Variants in EVC2 observed in about 807,000 individuals in gnomAD.
EVC2 encodes EvC ciliary complex subunit 2.
EVC2 carries 148 observed loss-of-function variants against 149.3 expected under a neutral mutation model. The ratio of observed to expected loss-of-function variants is 0.99; its 90% CI spans 0.87 to 1.14. The LOEUF is 1.14. Ranked by LOEUF, EVC2 falls within the 50% of genes most tolerant of loss-of-function variation. EVC2 has a pLI of 0.00. For missense variants in EVC2, 1,854 were observed against 1,627.3 expected, an observed-to-expected ratio of 1.14 and a Z score of -2.40; for synonymous variants, 776 against 649.9, an observed-to-expected ratio of 1.19 and a Z score of -2.95.
At chr4:5,691,841 G>A (rs892258041) in intron 3 of EVC2, among the ~76,000 whole-genome samples, 6 of 152,188 alleles carry the variant, frequency 3.9e-5, no homozygotes, top group South Asian at 2.1e-4. Context: ...TGGCTCCTAC[G>A]AAAAGGTTCC....
At chr4:5,555,158 T>C (rs750200203) in intron 21 of EVC2, among the ~76,000 whole-genome samples, 1 of 151,770 alleles carries the variant, frequency 6.6e-6, no homozygotes, top group Non-Finnish European at 1.5e-5. Flanking sequence ...ATTTTAAGTA[T>C]AATTGATATG....
At chr4:5,650,638 T>TATATATATATATATAGAGAG (rs1162935817) in intron 9 of EVC2, among the ~76,000 whole-genome samples, 1 of 45,088 alleles carries the variant, frequency 2.2e-5, no homozygotes, top group Non-Finnish European at 4.0e-5. Context: ...TATATATATA[T>TATATATATATATATAGAGAG]AGAGAGAGAG....
At chr4:5,556,971 C>A (rs1158823754) in intron 21 of EVC2, among the ~76,000 whole-genome samples, 5 of 152,118 alleles carry the variant, frequency 3.3e-5, no homozygotes. Flanking sequence ...AGACTCAGAT[C>A]ATTTTACTGG....
At chr4:5,539,776 A>AACAC (rs55685347), downstream of EVC2, among the ~76,000 whole-genome samples, 169 of 150,378 alleles carry the variant, frequency 1.1e-3, no homozygotes, top group African/African-American at 3.5e-3. Flanking sequence ...ATACTACAAA[A>AACAC]ACACACACAC....
At chr4:5,554,122 G>A (rs1721789301) in intron 21 of EVC2, among the ~76,000 whole-genome samples, 1 of 152,180 alleles carries the variant, frequency 6.6e-6, no homozygotes, top group Non-Finnish European at 1.5e-5. Flanking sequence ...TAAGAGCTGG[G>A]AAGTTGGTGC....
At chr4:5,697,898 A>T (rs190518332) in intron 1 of EVC2, among the ~76,000 whole-genome samples, 2 of 151,700 alleles carry the variant, frequency 1.3e-5, no homozygotes, top group Non-Finnish European at 2.9e-5. Flanking sequence ...GGCGCCCACC[A>T]CCACGCCCAG....
chr4:5,698,590 T>C (rs1012332316), intron 1 of EVC2, among the ~76,000 whole-genome samples: 4 of 152,302 alleles, frequency 2.6e-5, no homozygotes, highest in Non-Finnish European at 5.9e-5. Flanking sequence ...CTCTACTGAA[T>C]AACAGTAAAA....
At chr4:5,591,165 T>A (rs1290226168) in intron 16 of EVC2, among the ~76,000 whole-genome samples, 2 of 152,314 alleles carry the variant, frequency 1.3e-5, no homozygotes, top group African/African-American at 4.8e-5. Flanking sequence ...TTCATAAATA[T>A]TCATGACTCC....
rs371406695 is a variant in EVC2 at position 5,683,894 on chromosome 4, A to G, written c.816+1476T>C. On this transcript the variant is annotated intron_variant, in intron 6 of 21. Transcript: ENST00000344408. ...CAGCTGCCCGGGAACACACACAGCT[A>G]CACGGGAACACACACAGCTGCCCGG... Among the ~76,000 whole-genome samples the G allele has an allele frequency of 6.0e-5, 9 of 150,616 alleles. No homozygotes were observed. The South Asian group carries it at 6.3e-4, about 11-fold the overall frequency.
intron 21 of EVC2, among the ~76,000 whole-genome samples, chr4:5,546,122 T>C (rs1280717672): frequency 6.6e-6 from 1 of 152,192 alleles, no homozygotes; most frequent in Non-Finnish European, 1.5e-5. Context: ...GGTGGGACTG[T>C]AAACTAGTTC....
chr4:5,688,918 T>C (rs182526956), intron 5 of EVC2, among the ~76,000 whole-genome samples: 59 of 152,342 alleles, frequency 3.9e-4, no homozygotes, highest in African/African-American at 1.3e-3. Context: ...CCCACAACTC[T>C]TTCCCCAAAT....
At position 5,622,736 on chromosome 4, in the gene EVC2, C is replaced by T. The variant is rs1715794986; in HGVS notation, c.2302G>A (p.Val768Met). 12 of 1,613,972 alleles carry T rather than the reference C, an allele frequency of 7.4e-6. No homozygotes were observed. The South Asian group carries it at 1.2e-4, about 16-fold the overall frequency. The change falls in exon 14 of 22, where the codon GTG becomes ATG. Residue 768 changes from valine (V) to methionine (M), a missense_variant. Transcript: ENST00000344408. The surrounding 1 kb of genome is among the most constrained non-coding windows in gnomAD (Gnocchi z 5.8). ...AMTQELLKRGVPWLFLQQILE... is the reference protein window; with the variant it reads ...AMTQELLKRGMPWLFLQQILE... ...ATCTGCTGCAGGAAGAGCCAGGGCA[C>T]CCCACGCTTGAGCAGCTCCTGGGTC...
rs1260184589 is a variant in EVC2, at chr4:5,569,913, T to G, written c.3361-1273A>C. Among the ~76,000 whole-genome samples the G allele has an allele frequency of 6.6e-6, 1 of 152,148 alleles. No individual in the cohort carries two copies. Among genetic ancestry groups the G allele is most frequent in the African/African-American group, 2.4e-5 (1 of 41,440 alleles). ...CCCTCCACTGTCACACTGAAATACTTGTTCTTCCCTGACCGTCCTGCTCGC... is the reference window on the plus strand; with the variant it reads ...CCCTCCACTGTCACACTGAAATACTGGTTCTTCCCTGACCGTCCTGCTCGC... On this transcript the variant is annotated intron_variant, in intron 19 of 21. Coordinates refer to ENST00000344408, the MANE Select transcript of EVC2 (RefSeq NM_147127.5). This position sits in a 1 kb window ranked among gnomAD's most constrained non-coding sequence, Gnocchi z 4.8.
chr4:5,542,221 G>A (rs751205528), downstream of EVC2, among the ~76,000 whole-genome samples: 9 of 152,182 alleles, frequency 5.9e-5, no homozygotes, highest in Non-Finnish European at 1.2e-4. Flanking sequence ...GGAAGCTGAG[G>A]TGGGAGGATC....
chr4:5,673,405 C>T (rs1032794999), intron 7 of EVC2, among the ~76,000 whole-genome samples: 1 of 152,180 alleles, frequency 6.6e-6, no homozygotes, highest in African/African-American at 2.4e-5. Flanking sequence ...TGGCTGAGAG[C>T]ACCAGAATCA....
At chr4:5,612,012 C>G (rs867944223) in intron 16 of EVC2, among the ~76,000 whole-genome samples, 2 of 152,210 alleles carry the variant, frequency 1.3e-5, no homozygotes, top group African/African-American at 4.8e-5. Flanking sequence ...TAACTTCCCT[C>G]TTCTCTCACA....
intron 3 of EVC2, among the ~76,000 whole-genome samples, chr4:5,691,794 T>TC (rs1487682257): frequency 2.6e-5 from 4 of 151,792 alleles, no homozygotes; most frequent in African/African-American, 4.8e-5. Context: ...ACATAAGGAA[T>TC]CCCCCCACCA....
In EVC2 at chr4:5,610,628, T is replaced by G. The variant is rs555822969; in HGVS notation, c.2829+4794A>C. 5.3e-5 allele frequency among the ~76,000 whole-genome samples: 8 copies of G among 152,062 alleles called. No homozygotes were observed. In the South Asian group the frequency reaches 1.3e-3, roughly 24 times the overall value. On this transcript the variant is annotated intron_variant, in intron 16 of 21. Transcript: ENST00000344408. ...GGCAGGGGAGGGTGCCAAGACAGGC[T>G]CAGGGCATTGCAGACCTCCAGCTCC...
In EVC2 at chr4:5,565,255, T is replaced by C. The variant is rs376964499; in HGVS notation, c.3659+3A>G. 4.3e-6 allele frequency: 7 copies of C among 1,613,526 alleles called. No individual in the cohort carries two copies. Among genetic ancestry groups the C allele is most frequent in the Admixed American group, 1.7e-5 (1 of 59,990 alleles). ...AGCCACATGAGCAGGTGCCCATCAT[T>C]ACCTCTGCTTTCTCTTGCGGGCCCA... On this transcript the variant is annotated splice_donor_region_variant and intron_variant, in intron 21 of 21. Coordinates refer to ENST00000344408, the MANE Select transcript of EVC2 (RefSeq NM_147127.5).
Sources: gnomAD v4.1 joint callset for allele counts (sites outside exome capture counted in the v4.1 genomes callset) on GRCh38, gnomAD v4.1.1 for gene constraint, Gnocchi (gnomAD v3.1) non-coding constraint, MANE v1.5 for transcripts, NCBI Gene and HGNC (gene_info 2026-07-23, HGNC 2026-07-21) for gene names.